The following MAP7 variants were observed in gnomAD, a reference collection of about 807,000 sequenced individuals.
The protein encoded by MAP7 is microtubule associated protein 7.
MAP7 carries 52 observed loss-of-function variants against 94.8 expected under a neutral mutation model. The observed-to-expected ratio is 0.55, with a 90% CI of 0.44 to 0.69. The LOEUF (loss-of-function observed/expected upper bound fraction) is 0.69. Ranked by LOEUF, MAP7 falls within the 30% of genes least tolerant of loss-of-function variation. The pLI, the probability that MAP7 is intolerant of heterozygous loss-of-function variation, is 0.00. For missense variants in MAP7, 940 were observed against 964.6 expected, an observed-to-expected ratio of 0.97 and a Z score of 0.34; for synonymous variants, 350 against 357.0, an observed-to-expected ratio of 0.98 and a Z score of 0.22.
At chr6:136,421,087 C>A (rs1182925532) in intron 2 of MAP7, among the ~76,000 whole-genome samples, 1 of 152,150 alleles carries the variant, frequency 6.6e-6, no homozygotes, top group African/African-American at 2.4e-5. Flanking sequence ...ACTGCACTGT[C>A]GGTTCAATTG....
intron 1 of MAP7, chr6:136,466,617 T>TAA: frequency 8.1e-5 from 44 of 546,198 alleles, no homozygotes; most frequent in Middle Eastern, 5.0e-4. Context: ...AAACAATGAT[T>TAA]AAAAAAAAAA....
chr6:136,356,968 C>A (rs1208019553), intron 15 of MAP7, among the ~76,000 whole-genome samples, 174 bp from the exon 16 acceptor site: 1 of 151,974 alleles, frequency 6.6e-6, no homozygotes, highest in African/African-American at 2.4e-5. Context: ...AGTAATAGTA[C>A]CTACTTCATA....
chr6:136,414,009 G>A (rs997736626), intron 2 of MAP7, among the ~76,000 whole-genome samples: 17 of 151,978 alleles, frequency 1.1e-4, no homozygotes, highest in Non-Finnish European at 2.4e-4. Flanking sequence ...CAGCACTTTG[G>A]GAGGCCGAGG....
rs557377488 is a variant in MAP7 at position 136,443,639 on chromosome 6, G to A, written c.68-21840C>T. Among the ~76,000 whole-genome samples the A allele has an allele frequency of 3.3e-5, 5 of 151,788 alleles. No homozygotes were observed. The South Asian group carries it at 6.2e-4, about 19-fold the overall frequency. ...CTAATTTTTGTATTTTTAGTAGAGG[G>A]GTTTTTCCCCATGTTGGCCAGGCTG... is the stretch of plus-strand genomic sequence containing the variant. On this transcript the variant is annotated intron_variant, in intron 1 of 17. Coordinates refer to ENST00000354570, the MANE Select transcript of MAP7 (RefSeq NM_003980.6).
At chr6:136,388,933 A>G (rs1232224475) in intron 4 of MAP7, among the ~76,000 whole-genome samples, 1 of 152,196 alleles carries the variant, frequency 6.6e-6, no homozygotes, top group African/African-American at 2.4e-5. Flanking sequence ...GACCTTGTGT[A>G]CCTTACCCAC....
Position 136,514,721 on chromosome 6 carries a change from G to A in MAP7, c.67+35621C>T, listed in dbSNP as rs141089139. ...TTTCTGAGCAGTGGGTCTCAATAGCGGGCTTAAAATAGTCAGTACACCATG... is the reference window on the plus strand; with the variant it reads ...TTTCTGAGCAGTGGGTCTCAATAGCAGGCTTAAAATAGTCAGTACACCATG... On this transcript the variant is annotated intron_variant, in intron 1 of 17. Coordinates refer to ENST00000354570, the MANE Select transcript of MAP7 (RefSeq NM_003980.6). Among the ~76,000 whole-genome samples, 35 of 152,094 alleles carry A rather than the reference G, an allele frequency of 2.3e-4. No homozygotes were observed. In the East Asian group the frequency reaches 2.7e-3, roughly 12 times the overall value.
chr6:136,527,315 G>A lies in MAP7; in HGVS notation c.67+23027C>T, dbSNP rs568740389. Reference sequence around the variant, plus strand: ...TTTACAATAAATGACATTAAAACATGCCAACTGCCAAATTAAGAAAAAACA... The same window carrying A: ...TTTACAATAAATGACATTAAAACATACCAACTGCCAAATTAAGAAAAAACA... On this transcript the variant is annotated intron_variant, in intron 1 of 17. Transcript: ENST00000354570. 4.6e-5 allele frequency among the ~76,000 whole-genome samples: 7 copies of A among 152,282 alleles called. No individual in the cohort carries two copies. In the South Asian group the frequency reaches 1.0e-3, roughly 23 times the overall value.
chr6:136,400,117 T>A (rs1021942531), intron 3 of MAP7, among the ~76,000 whole-genome samples: 2 of 151,434 alleles, frequency 1.3e-5, no homozygotes, highest in Admixed American at 6.6e-5. Flanking sequence ...TTTTCTTTTT[T>A]AAAAAAAGGG....
At chr6:136,488,711 G>A (rs1282608562) in intron 1 of MAP7, among the ~76,000 whole-genome samples, 3 of 151,940 alleles carry the variant, frequency 2.0e-5, no homozygotes, top group African/African-American at 7.3e-5. Context: ...CCAAAATGCT[G>A]GGATTACAGG....
intron 3 of MAP7, among the ~76,000 whole-genome samples, chr6:136,405,388 G>A (rs766341516): frequency 3.3e-5 from 5 of 152,202 alleles, no homozygotes; most frequent in Non-Finnish European, 7.3e-5. Flanking sequence ...AGAAGGCCTC[G>A]CTGAGAAGGT....
At chr6:136,410,021 T>C (rs896175555) in intron 3 of MAP7, among the ~76,000 whole-genome samples, 3 of 152,184 alleles carry the variant, frequency 2.0e-5, no homozygotes, top group Admixed American at 6.5e-5. Context: ...CTTTATAGTA[T>C]AAGTAAAGTC....
At chr6:136,369,890 T>C (rs1795173157) in intron 8 of MAP7, among the ~76,000 whole-genome samples, 1 of 152,134 alleles carries the variant, frequency 6.6e-6, no homozygotes, top group East Asian at 1.9e-4. Flanking sequence ...ACTAAAAGCG[T>C]AGGCAATAAA....
In MAP7 at chr6:136,383,736, A is replaced by T; in HGVS notation, c.572T>A (p.Val191Asp). 6.2e-7 allele frequency: 1 copy of T among 1,611,708 alleles called. No individual in the cohort carries two copies. The highest frequency in any genetic ancestry group is 1.1e-5 in the South Asian group (1 of 90,630). Residue 191 changes from valine (V) to aspartate (D), a missense_variant, in exon 6 of 18, where the codon GTT (valine) becomes GAT (aspartate). Coordinates refer to ENST00000354570, the MANE Select transcript of MAP7 (RefSeq NM_003980.6). Reference protein sequence around the residue: ...SVSTMNLSKYVDPVISKRLSS... With the variant: ...SVSTMNLSKYDDPVISKRLSS... ...GAGCCGCTTGCTAATGACGGGATCA[A>T]CATATTTCGAAAGATTCATGGTGGA...
At chr6:136,433,168 T>C (rs948749328) in intron 1 of MAP7, among the ~76,000 whole-genome samples, 1 of 152,272 alleles carries the variant, frequency 6.6e-6, no homozygotes, top group Non-Finnish European at 1.5e-5. Context: ...TGTATTTGCT[T>C]TCCATTTATT....
intron 1 of MAP7, among the ~76,000 whole-genome samples, chr6:136,520,216 A>AAAAG (rs1554271268): frequency 6.8e-6 from 1 of 147,582 alleles, no homozygotes; most frequent in African/African-American, 2.6e-5. Flanking sequence ...AAAAAAAAAA[A>AAAAG]GGGGGGAGGA....
chr6:136,502,852 T>C lies in MAP7; in HGVS notation c.67+47490A>G, dbSNP rs551719039. 3.3e-5 allele frequency among the ~76,000 whole-genome samples: 5 copies of C among 152,266 alleles called. No individual in the cohort carries two copies. In the East Asian group the frequency reaches 9.7e-4, roughly 29 times the overall value. The stretch of plus-strand genomic sequence containing the variant: ...TTTTTTTTTCCCAGCAAAGTAACTT[T>C]CTTTTTCCAGGAAAATAAGGCAGCC... On this transcript the variant is annotated intron_variant, in intron 1 of 17. Coordinates refer to ENST00000354570, the MANE Select transcript of MAP7 (RefSeq NM_003980.6).
rs546227905 is a variant in MAP7 at position 136,349,362 on chromosome 6, T to C, written c.2016-3283A>G. On this transcript the variant is annotated intron_variant, in intron 16 of 17. Transcript: ENST00000354570. The stretch of plus-strand genomic sequence containing the variant: ...TATAAAATTTTATAAAATCCATATA[T>C]GTTATTAATATATATTCATATATTT... 7.2e-4 allele frequency among the ~76,000 whole-genome samples: 110 copies of C among 152,286 alleles called. 2 individuals are homozygous for C. The highest frequency in any genetic ancestry group is 2.1e-4 in the South Asian group (1 of 4,830).
intron 3 of MAP7, among the ~76,000 whole-genome samples, chr6:136,393,512 G>A (rs975321429): frequency 1.6e-4 from 24 of 152,152 alleles, no homozygotes; most frequent in Non-Finnish European, 4.4e-5. Flanking sequence ...AGTGACCCAT[G>A]GATGGCATTT....
At position 136,377,700 on chromosome 6, in the gene MAP7, T is replaced by A. The variant is rs1776589172; in HGVS notation, c.751+55A>T. The A allele has an allele frequency of 2.3e-6, 3 of 1,301,384 alleles. No individual in the cohort carries two copies. In the East Asian group the frequency reaches 7.0e-5, roughly 30 times the overall value. 80.6% of individuals were successfully genotyped at this position (1,301,384 alleles called of 1,614,324 possible). A position where few individuals can be genotyped will look rare whatever the true frequency, so the allele number is the denominator to read the frequency against. ...AAAGTGAGATGTGATTAGACGAATA[T>A]GCTTCAAAGGGAGGACTTGACCTCA... is the stretch of plus-strand genomic sequence containing the variant. On this transcript the variant is annotated intron_variant, in intron 7 of 17. Transcript: ENST00000354570.
Sources: allele counts gnomAD v4.1 joint callset (sites outside exome capture counted in the v4.1 genomes callset), GRCh38; gene constraint gnomAD v4.1.1; transcripts MANE v1.5; gene names NCBI Gene and HGNC (gene_info 2026-07-23, HGNC 2026-07-21).